Variants in LRP1B observed in about 807,000 individuals in gnomAD.
The protein encoded by LRP1B is LDL receptor related protein 1B.
In LRP1B, 217 loss-of-function variants were observed where a neutral mutation model predicts 556.6. The observed-to-expected ratio is 0.39, with a 90% CI of 0.35 to 0.44. The LOEUF (loss-of-function observed/expected upper bound fraction) is 0.44. Ranked by LOEUF, LRP1B falls within the 20% of genes least tolerant of loss-of-function variation. The probability of loss-of-function intolerance (pLI) is 1.00; values close to 1 mark genes in which losing one functional copy is unlikely to be tolerated. For missense variants in LRP1B, 5,053 were observed against 5,620.8 expected, an observed-to-expected ratio of 0.90 and a Z score of 3.23; for synonymous variants, 2,047 against 1,865.8, an observed-to-expected ratio of 1.10 and a Z score of -2.50.
intron 66 of LRP1B, among the ~76,000 whole-genome samples, chr2:140,438,091 A>C (rs1029934152): frequency 6.6e-6 from 1 of 152,148 alleles, no homozygotes; most frequent in Non-Finnish European, 1.5e-5. Context: ...ACCATGGTTC[A>C]CTGCAGCATC....
At chr2:141,045,363 A>T (rs927274800) in intron 11 of LRP1B, among the ~76,000 whole-genome samples, 1 of 151,550 alleles carries the variant, frequency 6.6e-6, no homozygotes, top group African/African-American at 2.4e-5. Context: ...TGGCACATGT[A>T]TACATATGTA....
intron 57 of LRP1B, among the ~76,000 whole-genome samples, chr2:140,492,095 T>C (rs933970365): frequency 1.3e-5 from 2 of 152,182 alleles, no homozygotes; most frequent in African/African-American, 4.8e-5. Context: ...CGTGTTTATT[T>C]TTAACCTGTG....
At chr2:140,506,960 A>G in intron 52 of LRP1B, 42 bp from the exon 53 acceptor site, 1 of 1,596,228 alleles carries the variant, frequency 6.3e-7, no homozygotes, top group Admixed American at 1.7e-5. Flanking sequence ...ATGAGCACAT[A>G]TGTTATCTTC....
At position 141,062,095 on chromosome 2, in the gene LRP1B, C is replaced by T. The variant is rs762893880; in HGVS notation, c.1192G>A (p.Asp398Asn). The change falls in exon 8 of 91, where the codon GAC becomes AAC. Residue 398 changes from aspartate to asparagine, a missense_variant. This residue lies in a region of LRP1B where 3,619 missense variants were observed against 3,931.9 expected (regional missense o/e 0.92). Transcript: ENST00000389484. ...DLYLDYVGVV[D>N]YQGKNRHTVI... ...GTGTGTCTATTTTTTCCTTGATAGT[C>T]CACTACTCCCACATAGTCCAAGTAA... 10 of 1,611,850 alleles carry T rather than the reference C, an allele frequency of 6.2e-6. No homozygotes were observed. Among genetic ancestry groups the T allele is most frequent in the Non-Finnish European group, 7.6e-6 (9 of 1,178,664 alleles).
At chr2:141,983,454 T>A (rs947325963) in intron 1 of LRP1B, among the ~76,000 whole-genome samples, 5 of 151,820 alleles carry the variant, frequency 3.3e-5, no homozygotes, top group South Asian at 2.1e-4. Context: ...AAAACTATAT[T>A]TTTTTTTACT....
At chr2:140,890,529 C>T (rs1693767877) in intron 23 of LRP1B, among the ~76,000 whole-genome samples, 1 of 152,034 alleles carries the variant, frequency 6.6e-6, no homozygotes, top group Non-Finnish European at 1.5e-5. Flanking sequence ...GTTGAGAAAA[C>T]ATTTGTTTGA....
At chr2:140,921,716 A>G (rs763425391) in intron 21 of LRP1B, among the ~76,000 whole-genome samples, 5 of 152,014 alleles carry the variant, frequency 3.3e-5, no homozygotes, top group African/African-American at 4.8e-5. Flanking sequence ...TTGGAAACAC[A>G]ATTTCCTTGC....
intron 1 of LRP1B, among the ~76,000 whole-genome samples, chr2:141,977,976 T>G (rs889434213): frequency 6.6e-6 from 1 of 152,150 alleles, no homozygotes; most frequent in Non-Finnish European, 1.5e-5. Flanking sequence ...TTTTCCATAT[T>G]GTAACATTGT....
chr2:140,612,509 C>T (rs1683105346), intron 41 of LRP1B, among the ~76,000 whole-genome samples: 1 of 152,074 alleles, frequency 6.6e-6, no homozygotes, highest in South Asian at 2.1e-4. Context: ...TGTGTATCAA[C>T]TGCTATGAAT....
intron 5 of LRP1B, among the ~76,000 whole-genome samples, 157 bp from the exon 6 acceptor site, chr2:141,229,597 ACT>A (rs1416861164): frequency 2.6e-5 from 4 of 152,106 alleles, no homozygotes; most frequent in Non-Finnish European, 5.9e-5. Context: ...TGTATACTTC[ACT>A]GTTTTAGTGT....
At chr2:140,545,822 A>G (rs1680311933) in intron 43 of LRP1B, among the ~76,000 whole-genome samples, 1 of 152,112 alleles carries the variant, frequency 6.6e-6, no homozygotes, top group Admixed American at 6.6e-5. Context: ...TAACCAGAAT[A>G]GTATTTAATC....
chr2:140,372,694 T>C (rs1195804105), intron 69 of LRP1B, among the ~76,000 whole-genome samples: 1 of 152,176 alleles, frequency 6.6e-6, no homozygotes, highest in Non-Finnish European at 1.5e-5. Context: ...TACTGTACTT[T>C]TAATTTCAAC....
At chr2:141,964,722 A>C (rs2105061926) in intron 1 of LRP1B, among the ~76,000 whole-genome samples, 1 of 151,714 alleles carries the variant, frequency 6.6e-6, no homozygotes, top group South Asian at 2.1e-4. Flanking sequence ...AAGCAATGGC[A>C]ACCAAAGCCA....
intron 56 of LRP1B, among the ~76,000 whole-genome samples, chr2:140,493,279 T>C (rs1688781013): frequency 6.6e-6 from 1 of 152,206 alleles, no homozygotes; most frequent in African/African-American, 2.4e-5. Flanking sequence ...AGTCTTTATT[T>C]CTACCTTATC....
At chr2:140,410,787 G>A (rs758063223) in intron 66 of LRP1B, among the ~76,000 whole-genome samples, 33 of 151,970 alleles carry the variant, frequency 2.2e-4, no homozygotes, top group Non-Finnish European at 4.1e-4. Flanking sequence ...ATCCTATTAG[G>A]TTTTAGAAAG....
chr2:140,461,415 A>C (rs892063111), intron 60 of LRP1B, among the ~76,000 whole-genome samples: 1 of 152,180 alleles, frequency 6.6e-6, no homozygotes, highest in African/African-American at 2.4e-5. Context: ...TTAGTATGTC[A>C]ATAGACATTT....
At chr2:141,247,746 TTAAA>T (rs1470510802) in intron 4 of LRP1B, among the ~76,000 whole-genome samples, 1 of 152,106 alleles carries the variant, frequency 6.6e-6, no homozygotes, top group Non-Finnish European at 1.5e-5. Context: ...AATCAACAGA[TTAAA>T]TAAGAGTTCT....
At position 141,828,787 on chromosome 2, in the gene LRP1B, G is replaced by C. The variant is rs1697018181; in HGVS notation, c.83-18386C>G. ...TCAGTAGGATCTGGTACTCTTCCCT[G>C]TTATGGGAAGTTAACTGGTTAATCG... On this transcript the variant is annotated intron_variant, in intron 1 of 90. Coordinates refer to ENST00000389484, the MANE Select transcript of LRP1B (RefSeq NM_018557.3). Among the ~76,000 whole-genome samples the C allele has an allele frequency of 2.6e-5, 4 of 152,002 alleles. No individual in the cohort carries two copies. In the South Asian group the frequency reaches 8.3e-4, roughly 31 times the overall value.
intron 9 of LRP1B, 132 bp downstream of exon 9, chr2:141,058,751 C>T: frequency 1.7e-6 from 1 of 576,898 alleles, no homozygotes; most frequent in Non-Finnish European, 2.7e-6. Flanking sequence ...ATTTAACAAG[C>T]AGACATGCCT....
Sources: allele counts gnomAD v4.1 joint callset (sites outside exome capture counted in the v4.1 genomes callset), GRCh38; gene constraint gnomAD v4.1.1; regional missense constraint gnomAD v4.1.1; transcripts MANE v1.5; gene names NCBI Gene and HGNC (gene_info 2026-07-23, HGNC 2026-07-21).